The following MPP7 variants were observed in gnomAD, a reference collection of about 807,000 sequenced individuals.
MPP7 encodes MAGUK p55 subfamily member 7.
A neutral mutation model predicts 76.5 loss-of-function variants in MPP7; 60 were observed. That is an observed-to-expected ratio of 0.78 (90% CI 0.64 to 0.97). The LOEUF (loss-of-function observed/expected upper bound fraction) is 0.97, where lower values mean the gene tolerates loss of function less well. MPP7 is among the 50% of genes least tolerant of loss of function. MPP7 has a pLI of 0.00. For synonymous variants in MPP7, 237 were observed against 244.5 expected (o/e 0.97, Z 0.29); for missense variants, 641 against 694.0 (o/e 0.92, Z 0.86).
intron 2 of MPP7, among the ~76,000 whole-genome samples, chr10:28,313,774 C>T (rs1463527303): frequency 1.3e-5 from 2 of 151,610 alleles, no homozygotes; most frequent in Non-Finnish European, 2.9e-5. Context: ...GCAGCCTGAA[C>T]TTCCTGGGTT....
intron 2 of MPP7, among the ~76,000 whole-genome samples, chr10:28,223,121 G>A (rs1411295578): frequency 2.6e-5 from 4 of 151,448 alleles, no homozygotes; most frequent in African/African-American, 4.8e-5. Context: ...GTGACAGAGC[G>A]AGCCTCTGTC....
intron 11 of MPP7, among the ~76,000 whole-genome samples, chr10:28,112,608 G>C (rs1834539261): frequency 6.6e-6 from 1 of 152,018 alleles, no homozygotes; most frequent in African/African-American, 2.4e-5. Context: ...ATATTCAGTA[G>C]CAAGTATCAT....
At chr10:28,073,937 CTAGAGGATCAGG>C (rs1352708316) in intron 12 of MPP7, among the ~76,000 whole-genome samples, 1 of 152,014 alleles carries the variant, frequency 6.6e-6, no homozygotes, top group East Asian at 1.9e-4. Context: ...ACCCCTGATC[CTAGAGGATCAGG>C]GTTCCCACTT....
intron 3 of MPP7, among the ~76,000 whole-genome samples, chr10:28,167,458 C>T (rs1483155402): frequency 6.6e-6 from 1 of 152,096 alleles, no homozygotes; most frequent in East Asian, 1.9e-4. Flanking sequence ...CAACAGACAC[C>T]GGGCCTGCAT....
chr10:28,262,212 T>TATAC (rs1839987337), intron 1 of MPP7, among the ~76,000 whole-genome samples: 2 of 57,546 alleles, frequency 3.5e-5, no homozygotes, highest in Non-Finnish European at 5.8e-5. Context: ...TATATACATA[T>TATAC]ATATATATAT....
intron 13 of MPP7, among the ~76,000 whole-genome samples, chr10:28,068,476 C>T (rs923834061): frequency 6.7e-6 from 1 of 149,186 alleles, no homozygotes; most frequent in African/African-American, 2.4e-5. Flanking sequence ...GCCTTTTAGA[C>T]AGCTTTCTAT....
At chr10:28,056,677 C>T in intron 15 of MPP7, 54 bp from the exon 16 acceptor site, 1 of 1,456,166 alleles carries the variant, frequency 6.9e-7, no homozygotes, top group Non-Finnish European at 9.0e-7. Flanking sequence ...TCATGAATTA[C>T]TGAATTTTCT....
intron 13 of MPP7, among the ~76,000 whole-genome samples, chr10:28,064,563 T>C (rs1287417294): frequency 6.6e-6 from 1 of 152,224 alleles, no homozygotes; most frequent in Non-Finnish European, 1.5e-5. Context: ...ACTGATGTAA[T>C]TGCACATTTT....
chr10:28,238,203 T>C (rs1839142738), intron 2 of MPP7, among the ~76,000 whole-genome samples: 1 of 152,142 alleles, frequency 6.6e-6, no homozygotes, highest in African/African-American at 2.4e-5. Context: ...GAATCAAGTG[T>C]GGCAAACAGT....
At chr10:28,322,454 AAACCCT>A (rs1228960588) in intron 2 of MPP7, among the ~76,000 whole-genome samples, 1 of 152,160 alleles carries the variant, frequency 6.6e-6, no homozygotes, top group Non-Finnish European at 1.5e-5. Flanking sequence ...AAACTTTGAA[AAACCCT>A]CTCTCCCCAT....
chr10:28,171,878 G>A (rs989694065), intron 3 of MPP7, among the ~76,000 whole-genome samples: 5 of 152,190 alleles, frequency 3.3e-5, no homozygotes, highest in Non-Finnish European at 5.9e-5. Context: ...AAAGAGAAGA[G>A]GGGAGGATGG....
intron 2 of MPP7, among the ~76,000 whole-genome samples, chr10:28,218,360 C>A (rs753259677): frequency 3.3e-5 from 5 of 152,122 alleles, no homozygotes; most frequent in Non-Finnish European, 7.4e-5. Flanking sequence ...ACCATTTATG[C>A]ACTTGGCAAG....
intron 1 of MPP7, among the ~76,000 whole-genome samples, chr10:28,293,063 T>G (rs1250170294): frequency 6.9e-6 from 1 of 145,516 alleles, no homozygotes; most frequent in Non-Finnish European, 1.5e-5. Flanking sequence ...AAAAAAAGGT[T>G]GGATCATAAC....
intron 3 of MPP7, among the ~76,000 whole-genome samples, chr10:28,200,487 C>T (rs560897469): frequency 6.6e-6 from 1 of 152,206 alleles, no homozygotes; most frequent in Non-Finnish European, 1.5e-5. Context: ...GCTATGCTTT[C>T]TAACCACTTA....
chr10:28,153,122 C>T (rs558225745), intron 3 of MPP7, among the ~76,000 whole-genome samples: 33 of 152,070 alleles, frequency 2.2e-4, no homozygotes, highest in African/African-American at 7.5e-4. Flanking sequence ...GCCATGATGG[C>T]GCATACCTAT....
intron 1 of MPP7, among the ~76,000 whole-genome samples, chr10:28,250,033 G>C (rs771806642): frequency 6.7e-6 from 1 of 149,500 alleles, no homozygotes; most frequent in Non-Finnish European, 1.5e-5. Context: ...AAAAACTGTA[G>C]AAAGAAACTA....
At chr10:28,088,692 T>C (rs1011038165) in intron 12 of MPP7, among the ~76,000 whole-genome samples, 2 of 152,190 alleles carry the variant, frequency 1.3e-5, no homozygotes, top group East Asian at 1.9e-4. Flanking sequence ...TCTAAAATCA[T>C]TGGCTTTGAT....
At chr10:28,248,108 CA>C (rs1483269921) in intron 1 of MPP7, among the ~76,000 whole-genome samples, 1 of 152,012 alleles carries the variant, frequency 6.6e-6, no homozygotes, top group Admixed American at 6.6e-5. Context: ...AGTCATTGTC[CA>C]AAAACCACGG....
chr10:28,165,735 A>G (rs1769076592), intron 3 of MPP7, among the ~76,000 whole-genome samples: 2 of 152,138 alleles, frequency 1.3e-5, no homozygotes. Context: ...TTTAGAATTT[A>G]GTGTCCTGGC....
Sources: allele counts gnomAD v4.1 joint callset (sites outside exome capture counted in the v4.1 genomes callset), GRCh38; gene constraint gnomAD v4.1.1; transcripts MANE v1.5; gene names NCBI Gene and HGNC (gene_info 2026-07-23, HGNC 2026-07-21).